The following PLCXD3 variants were observed in gnomAD, a reference collection of about 807,000 sequenced individuals.
PLCXD3 encodes phosphatidylinositol specific phospholipase C X domain containing 3, also known as PI-PLC X domain-containing protein 3.
Under a neutral mutation model 25.5 loss-of-function variants are expected in PLCXD3, and 19 were observed. The observed-to-expected ratio is 0.75, with a 90% CI of 0.52 to 1.09. The LOEUF is 1.09. Ranked by LOEUF, PLCXD3 falls within the 50% of genes least tolerant of loss-of-function variation. PLCXD3 has a pLI of 0.00. For synonymous variants in PLCXD3, 174 were observed against 137.6 expected (o/e 1.26, Z -1.85); for missense variants, 411 against 388.1 (o/e 1.06, Z -0.50).
intron 1 of PLCXD3, among the ~76,000 whole-genome samples, chr5:41,465,337 C>T (rs940289915): frequency 1.2e-5 from 1 of 84,964 alleles, no homozygotes; most frequent in Non-Finnish European, 2.4e-5. Context: ...TTCCTACTTT[C>T]CCCACTAGTT....
intron 1 of PLCXD3, among the ~76,000 whole-genome samples, chr5:41,436,518 T>G (rs1179637501): frequency 6.6e-6 from 1 of 152,218 alleles, no homozygotes; most frequent in Non-Finnish European, 1.5e-5. Flanking sequence ...TTGCTATTGC[T>G]GAGTCACTTG....
chr5:41,394,253 G>C (rs1222668099), intron 1 of PLCXD3, among the ~76,000 whole-genome samples: 1 of 151,626 alleles, frequency 6.6e-6, no homozygotes, highest in Non-Finnish European at 1.5e-5. Flanking sequence ...AGATAGCATT[G>C]GTAAGCCTCA....
intron 1 of PLCXD3, among the ~76,000 whole-genome samples, chr5:41,406,154 T>C (rs1001825314): frequency 5.3e-5 from 8 of 152,158 alleles, no homozygotes; most frequent in Non-Finnish European, 1.0e-4. Context: ...TTTCTGTGAT[T>C]GTCCTTTACT....
chr5:41,372,277 TTC>T (rs745662352), intron 2 of PLCXD3, among the ~76,000 whole-genome samples: 1,893 of 129,280 alleles, frequency 0.015, 32 homozygotes, highest in African/African-American at 0.017. Context: ...TATGTATTCA[TTC>T]TCTCTCTCTC....
intron 1 of PLCXD3, among the ~76,000 whole-genome samples, chr5:41,456,765 A>T (rs1318890611): frequency 6.6e-6 from 1 of 151,858 alleles, no homozygotes; most frequent in Non-Finnish European, 1.5e-5. Context: ...ACATAGCAAA[A>T]AGACAGCCAT....
chr5:41,319,237 T>C (rs1743389710), intron 2 of PLCXD3, among the ~76,000 whole-genome samples: 1 of 152,182 alleles, frequency 6.6e-6, no homozygotes, highest in Admixed American at 6.5e-5. Flanking sequence ...ACATCAGACT[T>C]AATCTGCAGT....
intron 1 of PLCXD3, among the ~76,000 whole-genome samples, chr5:41,491,236 T>C (rs887907157): frequency 2.0e-4 from 31 of 152,202 alleles, no homozygotes; most frequent in Admixed American, 5.9e-4. Context: ...TCCATGTAGT[T>C]GAGTGGTTTG....
intron 1 of PLCXD3, among the ~76,000 whole-genome samples, chr5:41,430,490 C>A (rs967221616): frequency 6.6e-6 from 1 of 152,190 alleles, no homozygotes; most frequent in Admixed American, 6.5e-5. Context: ...TCCACATCTT[C>A]TTCTGAGATC....
intron 2 of PLCXD3, among the ~76,000 whole-genome samples, chr5:41,348,739 A>G (rs776725346): frequency 2.0e-5 from 3 of 152,120 alleles, no homozygotes; most frequent in Non-Finnish European, 2.9e-5. Context: ...TCCGTAATGC[A>G]GACTTATTAA....
At chr5:41,396,000 A>AT (rs1745991881) in intron 1 of PLCXD3, among the ~76,000 whole-genome samples, 1 of 129,622 alleles carries the variant, frequency 7.7e-6, no homozygotes, top group African/African-American at 3.3e-5. Context: ...GGCCCATCAA[A>AT]GAAAAAAAAA....
chr5:41,494,878 C>T (rs1428989590), intron 1 of PLCXD3, among the ~76,000 whole-genome samples: 1 of 152,132 alleles, frequency 6.6e-6, no homozygotes, highest in African/African-American at 2.4e-5. Context: ...AAAGAGGCTA[C>T]AGCTCACAAA....
intron 2 of PLCXD3, among the ~76,000 whole-genome samples, chr5:41,325,855 T>C (rs1372510198): frequency 6.6e-6 from 1 of 152,196 alleles, no homozygotes; most frequent in Non-Finnish European, 1.5e-5. Flanking sequence ...GACTTAGAAG[T>C]CCAAGATCAA....
At chr5:41,437,644 A>G (rs942379400) in intron 1 of PLCXD3, among the ~76,000 whole-genome samples, 4 of 152,202 alleles carry the variant, frequency 2.6e-5, no homozygotes, top group Admixed American at 6.5e-5. Flanking sequence ...GCAGAACCCC[A>G]TTGGTGCAAG....
chr5:41,503,105 G>A (rs890020234), intron 1 of PLCXD3, among the ~76,000 whole-genome samples: 6 of 152,124 alleles, frequency 3.9e-5, no homozygotes, highest in Non-Finnish European at 7.4e-5. Context: ...CAGCATGGGT[G>A]TATAGCCTGA....
chr5:41,375,377 C>T (rs370103803), intron 2 of PLCXD3, among the ~76,000 whole-genome samples: 1 of 152,076 alleles, frequency 6.6e-6, no homozygotes, highest in East Asian at 1.9e-4. Flanking sequence ...TCTGTTTATC[C>T]TCTGGCCTTA....
chr5:41,476,691 T>A (rs1021155448), intron 1 of PLCXD3, among the ~76,000 whole-genome samples: 12 of 152,244 alleles, frequency 7.9e-5, no homozygotes, highest in Non-Finnish European at 4.4e-5. Context: ...AGTTAAATCT[T>A]AGCTGTGAAT....
chr5:41,442,900 GAC>G (rs34050948), intron 1 of PLCXD3, among the ~76,000 whole-genome samples: 94,699 of 151,460 alleles, frequency 0.63, 31,516 homozygotes, highest in Admixed American at 0.73. Flanking sequence ...TCCTTCCCTT[GAC>G]TTTACTCCAA....
At chr5:41,327,824 G>A (rs560672669) in intron 2 of PLCXD3, among the ~76,000 whole-genome samples, 2 of 151,902 alleles carry the variant, frequency 1.3e-5, no homozygotes, top group South Asian at 4.2e-4. Flanking sequence ...TTCTTTTTTA[G>A]AGACAGTGTC....
At chr5:41,342,798 G>T (rs900998580) in intron 2 of PLCXD3, among the ~76,000 whole-genome samples, 1 of 152,034 alleles carries the variant, frequency 6.6e-6, no homozygotes, top group Non-Finnish European at 1.5e-5. Flanking sequence ...AAAACTATAA[G>T]AATTTATAAC....
Sources: gnomAD v4.1 joint callset for allele counts (sites outside exome capture counted in the v4.1 genomes callset) on GRCh38, gnomAD v4.1.1 for gene constraint, MANE v1.5 for transcripts, NCBI Gene and HGNC (gene_info 2026-07-23, HGNC 2026-07-21) for gene names.